Variants in ANO4 observed in about 807,000 individuals in gnomAD.
ANO4 encodes anoctamin 4.
A neutral mutation model predicts 141.9 loss-of-function variants in ANO4; 69 were observed. The observed-to-expected ratio is 0.49, with a 90% confidence interval of 0.40 to 0.59. The LOEUF is 0.59. Among genes scored for constraint, ANO4 ranks in the 20% least tolerant of loss-of-function variants. The pLI, the probability that ANO4 is intolerant of heterozygous loss-of-function variation, is 0.00. For missense variants in ANO4, 894 were observed against 1,162.2 expected, an observed-to-expected ratio of 0.77 and a Z score of 3.36; for synonymous variants, 350 against 394.3, an observed-to-expected ratio of 0.89 and a Z score of 1.33.
chr12:100,833,885 G>A (rs777442350), intron 1 of ANO4, among the ~76,000 whole-genome samples: 14 of 152,074 alleles, frequency 9.2e-5, no homozygotes, highest in Non-Finnish European at 1.8e-4. Context: ...ATAAGGAAAC[G>A]TATTTGTCCC....
intron 7 of ANO4, among the ~76,000 whole-genome samples, chr12:100,977,410 G>A (rs552607646): frequency 3.3e-5 from 5 of 152,098 alleles, no homozygotes; most frequent in African/African-American, 1.2e-4. Context: ...AAGGGTCCAG[G>A]TGTGGTGGCA....
chr12:100,884,505 T>C (rs1389838343), intron 1 of ANO4, among the ~76,000 whole-genome samples: 1 of 152,096 alleles, frequency 6.6e-6, no homozygotes, highest in African/African-American at 2.4e-5. Context: ...TAAGGAGAGG[T>C]GGGGACCTGT....
At chr12:101,049,485 AT>A (rs61274909) in intron 14 of ANO4, among the ~76,000 whole-genome samples, 36,730 of 141,826 alleles carry the variant, frequency 0.26, 5,919 homozygotes, top group African/African-American at 0.48. Flanking sequence ...GAGATCTCAT[AT>A]TTTTTTTTTT....
intron 13 of ANO4, 128 bp from the exon 14 acceptor site, chr12:101,048,213 C>T: frequency 8.9e-7 from 1 of 1,126,010 alleles, no homozygotes; most frequent in South Asian, 1.7e-5. Flanking sequence ...AGGAATATTC[C>T]CCCTACCCAA....
intron 1 of ANO4, among the ~76,000 whole-genome samples, chr12:100,805,376 G>A (rs528184450): frequency 6.6e-5 from 10 of 152,260 alleles, no homozygotes; most frequent in East Asian, 3.9e-4. Flanking sequence ...TTTGAAGTCC[G>A]GTAGTGTGAT....
intron 23 of ANO4, among the ~76,000 whole-genome samples, chr12:101,111,253 C>T (rs763978843): frequency 8.5e-5 from 13 of 152,164 alleles, no homozygotes; most frequent in Non-Finnish European, 1.6e-4. Context: ...TAAGGAGCTC[C>T]CAGTCTGGTG....
At chr12:100,849,955 T>C (rs76919241) in intron 1 of ANO4, among the ~76,000 whole-genome samples, 5,128 of 152,194 alleles carry the variant, frequency 0.034, 244 homozygotes, top group African/African-American at 0.11. Context: ...AAGCAGATGG[T>C]CTTTCAGACT....
Position 101,086,681 on chromosome 12 carries a change from G to A in ANO4, c.1558G>A (p.Val520Met), listed in dbSNP as rs773439481. The A allele has an allele frequency of 3.1e-6, 5 of 1,613,710 alleles. No homozygotes were observed. Among genetic ancestry groups the A allele is most frequent in the South Asian group, 1.1e-5 (1 of 91,066 alleles). ...CCAGATCTGCGTGGTGATTGCTGCC[G>A]TGTTCGGGATCGTCATTTACCGGGT... ...FFMICVVIAA[V>M]FGIVIYRVVT... The change falls in exon 17 of 28, where the codon GTG becomes ATG. Residue 520 changes from valine (V) to methionine (M), a missense_variant. Physicochemically the swap from Val to Met is conservative, Grantham distance 21. Around this residue, in one of 2 missense-constraint regions of ANO4, gnomAD observed 637 missense variants for 909.2 expected, o/e 0.70. Coordinates refer to ENST00000392977, the MANE Select transcript of ANO4 (RefSeq NM_001286615.2).
intron 2 of ANO4, among the ~76,000 whole-genome samples, chr12:100,903,753 C>T (rs755982163): frequency 4.4e-4 from 67 of 152,322 alleles, no homozygotes; most frequent in Non-Finnish European, 7.9e-4. Flanking sequence ...GGCTTTTCAA[C>T]TGACCTAGAT....
At chr12:100,877,209 A>G (rs899330698) in intron 1 of ANO4, among the ~76,000 whole-genome samples, 23 of 151,918 alleles carry the variant, frequency 1.5e-4, no homozygotes, top group African/African-American at 5.3e-4. Flanking sequence ...ATTGTACAGC[A>G]TGATGACTAT....
At chr12:100,812,855 G>T in intron 1 of ANO4, among the ~76,000 whole-genome samples, 1 of 152,174 alleles carries the variant, frequency 6.6e-6, no homozygotes, top group Non-Finnish European at 1.5e-5. Flanking sequence ...TAATAGCATT[G>T]CCTCAAGGCA....
chr12:100,800,533 C>T lies in ANO4; in HGVS notation c.-141+5506C>T, dbSNP rs567406221. ...TTTCGTAGAAGGGCACCTTTGCTGT[C>T]GTGGTGACATATATCTTCCAATTTT... On this transcript the variant is annotated intron_variant, in intron 1 of 27. Transcript: ENST00000392977. 9.2e-5 allele frequency among the ~76,000 whole-genome samples: 14 copies of T among 152,320 alleles called. No individual in the cohort carries two copies. In the South Asian group the frequency reaches 1.9e-3, roughly 20 times the overall value.
chr12:100,944,552 T>C (rs930282024), intron 5 of ANO4, among the ~76,000 whole-genome samples: 1 of 151,872 alleles, frequency 6.6e-6, no homozygotes, highest in Non-Finnish European at 1.5e-5. Context: ...TCTCCTTTCC[T>C]CCACAATCTT....
intron 6 of ANO4, 90 bp downstream of exon 6, chr12:100,971,496 C>A: frequency 1.1e-6 from 1 of 942,334 alleles, no homozygotes; most frequent in Non-Finnish European, 1.6e-6. Context: ...AACTGAAATG[C>A]AGATTGGAAG....
chr12:100,718,114 C>T (rs1253982555), intron 1 of ANO4, among the ~76,000 whole-genome samples: 1 of 152,164 alleles, frequency 6.6e-6, no homozygotes, highest in Non-Finnish European at 1.5e-5. Flanking sequence ...CATCGTTCCC[C>T]TGCCCATTGT....
chr12:100,958,214 A>C (rs1243947995), intron 5 of ANO4, among the ~76,000 whole-genome samples: 1 of 152,166 alleles, frequency 6.6e-6, no homozygotes, highest in Admixed American at 6.5e-5. Context: ...AAACATGCTG[A>C]CTGGTTCACT....
intron 1 of ANO4, among the ~76,000 whole-genome samples, chr12:100,808,178 AT>A (rs2035180523): frequency 6.6e-6 from 1 of 152,164 alleles, no homozygotes; most frequent in Non-Finnish European, 1.5e-5. Context: ...TGACACTCCC[AT>A]CAACAGTGTA....
intron 8 of ANO4, among the ~76,000 whole-genome samples, chr12:101,012,747 A>C (rs555167520): frequency 2.0e-5 from 3 of 152,100 alleles, no homozygotes; most frequent in South Asian, 4.1e-4. Flanking sequence ...CAAAAGAGAC[A>C]GTGAAATTAG....
At chr12:100,819,677 C>T (rs544620953) in intron 1 of ANO4, among the ~76,000 whole-genome samples, 2 of 151,896 alleles carry the variant, frequency 1.3e-5, no homozygotes, top group Non-Finnish European at 2.9e-5. Flanking sequence ...ACTTAAAGAA[C>T]CTGAGAACAG....
Sources: allele counts gnomAD v4.1 joint callset (sites outside exome capture counted in the v4.1 genomes callset), GRCh38; gene constraint gnomAD v4.1.1; regional missense constraint gnomAD v4.1.1; transcripts MANE v1.5; gene names NCBI Gene and HGNC (gene_info 2026-07-23, HGNC 2026-07-21).